SNAPC4: variants seen among roughly 807,000 people sequenced by gnomAD.
SNAPC4 encodes the protein snRNA-activating protein complex subunit 4.
SNAPC4 carries 127 observed loss-of-function variants against 151.3 expected under a neutral mutation model. The ratio of observed to expected loss-of-function variants is 0.84; its 90% CI spans 0.73 to 0.97. The LOEUF (loss-of-function observed/expected upper bound fraction) is 0.97, where lower values mean the gene tolerates loss of function less well. Ranked by LOEUF, SNAPC4 falls within the 50% of genes least tolerant of loss-of-function variation. The pLI, the probability that SNAPC4 is intolerant of heterozygous loss-of-function variation, is 0.00. For synonymous variants in SNAPC4, 1,002 were observed against 824.4 expected, an observed-to-expected ratio of 1.22 and a Z score of -3.69; for missense variants, 2,186 against 1,935.0, an observed-to-expected ratio of 1.13 and a Z score of -2.43.
Position 136,392,126 on chromosome 9 carries a change from C to CA in SNAPC4, c.811-21dup. On this transcript the variant is annotated intron_variant, in intron 9 of 23. Transcript: ENST00000684778. ...TTCAAACTGCACCGACAGAGACACTCAGCCTTGCAGGCCACTGACCCCAGG... is the reference window on the plus strand; with the variant it reads ...TTCAAACTGCACCGACAGAGACACTCAAGCCTTGCAGGCCACTGACCCCAGG... 6.2e-7 allele frequency: 1 copy of CA among 1,610,344 alleles called. No individual in the cohort carries two copies. Among genetic ancestry groups the CA allele is most frequent in the Non-Finnish European group, 8.5e-7 (1 of 1,179,960 alleles).
In SNAPC4 at chr9:136,382,341, T is replaced by A; in HGVS notation, c.1984-5A>T. ...TGTCAGCAGACGCCTCCCACCCTGATGAGAAAGCTGCCTGAGGCGAGGCAC... is the reference window on the plus strand; with the variant it reads ...TGTCAGCAGACGCCTCCCACCCTGAAGAGAAAGCTGCCTGAGGCGAGGCAC... On this transcript the variant is annotated splice_polypyrimidine_tract_variant and splice_region_variant and intron_variant, in intron 16 of 23. Transcript: ENST00000684778. 6.2e-7 allele frequency: 1 copy of A among 1,612,454 alleles called. No homozygotes were observed. The highest frequency in any genetic ancestry group is 8.5e-7 in the Non-Finnish European group (1 of 1,179,460).
chr9:136,381,298 C>T lies in SNAPC4; in HGVS notation c.2388+24G>A, dbSNP rs766458580. ...AAACTTTTTACAAGGCAAAGGAAAA[C>T]GAAGCTCTGCCCAAGTAGCTTACCT... On this transcript the variant is annotated intron_variant, in intron 19 of 23. Transcript: ENST00000684778. 1.3e-5 allele frequency: 21 copies of T among 1,594,902 alleles called. No individual in the cohort carries two copies. In the South Asian group the frequency reaches 1.3e-4, roughly 10 times the overall value.
At chr9:136,381,529 G>C in intron 18 of SNAPC4, 137 bp from the exon 19 acceptor site, 1 of 802,314 alleles carries the variant, frequency 1.2e-6, no homozygotes, top group Admixed American at 2.5e-5. Flanking sequence ...GGGAGGCCTT[G>C]GAACCAGCAC....
chr9:136,396,959 G>GC lies in SNAPC4; in HGVS notation c.177+17_177+18insG. Reference sequence around the variant, plus strand: ...CAGGCCTGACCCAGTGGCACAGCCAGATCAGGCCAACAGTTACCGAGATCG... The same window carrying GC: ...CAGGCCTGACCCAGTGGCACAGCCAGCATCAGGCCAACAGTTACCGAGATCG... On this transcript the variant is annotated intron_variant, in intron 3 of 23. Transcript: ENST00000684778. The GC allele has an allele frequency of 6.2e-7, 1 of 1,611,972 alleles. No individual in the cohort carries two copies. The highest frequency in any genetic ancestry group is 8.5e-7 in the Non-Finnish European group (1 of 1,179,030).
At chr9:136,392,202 G>A (rs1350805013) in intron 9 of SNAPC4, 96 bp from the exon 10 acceptor site, 13 of 1,444,940 alleles carry the variant, frequency 9.0e-6, no homozygotes, top group East Asian at 2.3e-5. Flanking sequence ...GCCAGCTGGA[G>A]GCTTCCACGG....
chr9:136,397,814 T>G (rs937664974), intron 2 of SNAPC4, among the ~76,000 whole-genome samples: 4 of 151,898 alleles, frequency 2.6e-5, no homozygotes, highest in Admixed American at 1.3e-4. Flanking sequence ...CATCCAGGCA[T>G]GGACTGTCCA....
Position 136,378,191 on chromosome 9 carries a change from G to T in SNAPC4, c.3636C>A (p.Val1212=). 1 of 1,612,142 alleles carries T rather than the reference G, an allele frequency of 6.2e-7. No individual in the cohort carries two copies. The highest frequency in any genetic ancestry group is 1.3e-5 in the African/African-American group (1 of 75,064). ...WSGRLPAFGG[V]IPATEPRGTP... ...TCCCCCTTGGCTCAGTTGCTGGGAT[G>T]ACACCACCGAAGGCTGGCAGCCTCC... The change falls in exon 22 of 24, where the codon GTC becomes GTA. Residue 1212 remains valine (V), a synonymous_variant. Transcript: ENST00000684778.
chr9:136,395,546 G>A (rs936472663), intron 4 of SNAPC4, 57 bp downstream of exon 4: 3 of 1,571,140 alleles, frequency 1.9e-6, no homozygotes, highest in Non-Finnish European at 2.6e-6. Flanking sequence ...AGGCCCAGCT[G>A]TGGGGGGCTC....
In SNAPC4 at chr9:136,377,634, G is replaced by C; in HGVS notation, c.4193C>G (p.Ser1398Cys). The change falls in exon 22 of 24, where the codon TCT (serine) becomes TGT (cysteine). Residue 1398 changes from serine (S) to cysteine (C), a missense_variant. Physicochemically the swap from Ser to Cys is moderately radical, Grantham distance 112. Transcript: ENST00000684778. ...CAGGAGGTCTTCATCCTCACTCTCA[G>C]AGCCCACCCTCGAAGGTACTGAGAG... The part of the protein sequence containing the change: ...TTLSVPSRVG[S>C]ESEDEDLLSE... 3.2e-6 allele frequency: 5 copies of C among 1,583,210 alleles called. No individual in the cohort carries two copies. Among genetic ancestry groups the C allele is most frequent in the Non-Finnish European group, 4.3e-6 (5 of 1,163,038 alleles).
intron 10 of SNAPC4, among the ~76,000 whole-genome samples, chr9:136,390,836 A>AT (rs1479241208): frequency 6.6e-5 from 10 of 151,254 alleles, no homozygotes; most frequent in East Asian, 1.9e-4. Flanking sequence ...GTATTTATTT[A>AT]TTTATTTTTT....
rs1833796698 is a variant in SNAPC4, at chr9:136,383,802, A to AG, written c.1501-135dup. ...GGTCAAGAGCAGCCGCTGCCGAGGC[A>AG]GGGTCTCCCTTTGCCCTTGGCCACC... On this transcript the variant is annotated intron_variant, in intron 15 of 23. Transcript: ENST00000684778. The surrounding 1 kb of genome is among the most constrained non-coding windows in gnomAD (Gnocchi z 4.2). 1 of 1,365,738 alleles carries AG rather than the reference A, an allele frequency of 7.3e-7. No homozygotes were observed. Among genetic ancestry groups the AG allele is most frequent in the Non-Finnish European group, 1.0e-6 (1 of 983,384 alleles). 84.6% of individuals were successfully genotyped at this position (1,365,738 alleles called of 1,614,324 possible).
rs747072957 is a variant in SNAPC4 at position 136,378,859 on chromosome 9, C to T, written c.2968G>A (p.Ala990Thr). ...RLSTMQALPL[A>T]PVFSEAEGTA... ...CCCTCGGCCTCTGAGAAGACAGGAG[C>T]GAGGGGCAGGGCTTGCATGGTGGAG... Residue 990 changes from alanine (A) to threonine (T), a missense_variant, in exon 22 of 24, where the codon GCT becomes ACT. Physicochemically the swap from Ala to Thr is moderately conservative, Grantham distance 58 (BLOSUM62 0). Transcript: ENST00000684778. The T allele has an allele frequency of 3.7e-5, 60 of 1,608,920 alleles. No homozygotes were observed. Among genetic ancestry groups the T allele is most frequent in the East Asian group, 3.3e-4 (15 of 44,794 alleles).
chr9:136,394,858 G>A lies in SNAPC4; in HGVS notation c.492C>T (p.Asp164=), dbSNP rs1388370523. The A allele has an allele frequency of 1.2e-6, 2 of 1,613,748 alleles. No homozygotes were observed. Among genetic ancestry groups the A allele is most frequent in the Non-Finnish European group, 1.7e-6 (2 of 1,179,982 alleles). Residue 164 remains aspartate (D), a synonymous_variant, in exon 6 of 24, where the codon GAC becomes GAT. Coordinates refer to ENST00000684778, the MANE Select transcript of SNAPC4 (RefSeq NM_003086.4). ...TCCCCTGGGCAGCCTTCTCTCGTGT[G>A]TCCTCGTTGGCAGGTGGCCCCTGTC... ...VTGVGPPANE[D]TREKAAQGIK...
At chr9:136,387,916 G>A in intron 11 of SNAPC4, 68 bp from the exon 12 acceptor site, 1 of 898,432 alleles carries the variant, frequency 1.1e-6, no homozygotes, top group Non-Finnish European at 1.9e-6. Flanking sequence ...TAGACAGCTA[G>A]GGACAACAGG....
rs774035189 is a variant in SNAPC4 at position 136,387,589 on chromosome 9, G to C, written c.1231-10C>G. The stretch of plus-strand genomic sequence containing the variant: ...CAGCTTGAAGCAACTTCTGCAGGAA[G>C]GGACAGGCAGACAAGTGAAGCCTCT... On this transcript the variant is annotated splice_polypyrimidine_tract_variant and intron_variant, in intron 12 of 23. Transcript: ENST00000684778. The C allele has an allele frequency of 1.9e-5, 30 of 1,603,420 alleles. No homozygotes were observed. The highest frequency in any genetic ancestry group is 2.3e-5 in the Non-Finnish European group (27 of 1,170,500).
chr9:136,383,549 G>A lies in SNAPC4; in HGVS notation c.1620C>T (p.Ser540=), dbSNP rs1833782457. The A allele has an allele frequency of 1.9e-6, 3 of 1,595,680 alleles. No individual in the cohort carries two copies. In the East Asian group the frequency reaches 6.8e-5, roughly 36 times the overall value. ...GCTCTGGCTCGTCCTCCTCGCTGCT[G>A]CTGCTGCTGCTGCTGCTGCTCCCTC... ...SSGGSSSSSS[S]SSEEDEPEQA... is the part of the protein sequence containing the mutation. Residue 540 remains serine (S), a synonymous_variant, in exon 16 of 24, where the codon AGC becomes AGT. Coordinates refer to ENST00000684778, the MANE Select transcript of SNAPC4 (RefSeq NM_003086.4). The surrounding 1 kb of genome is among the most constrained non-coding windows in gnomAD (Gnocchi z 4.2).
chr9:136,378,725 C>A lies in SNAPC4; in HGVS notation c.3102G>T (p.Lys1034Asn). The A allele has an allele frequency of 6.6e-7, 1 of 1,506,952 alleles. No homozygotes were observed. The allele number at this position is 1,506,952 out of a possible 1,614,324, so 93.3% of individuals were successfully genotyped here. A position where few individuals can be genotyped will look rare whatever the true frequency, so the allele number is the denominator to read the frequency against. Reference sequence around the variant, plus strand: ...AGGGTGGCGCCTCAGGCAGGCCCTGCTTCCGGGATGCAGCGGGGGCCTGAG... The same window carrying A: ...AGGGTGGCGCCTCAGGCAGGCCCTGATTCCGGGATGCAGCGGGGGCCTGAG... The part of the protein sequence containing the change: ...GQSQAPAASR[K>N]QGLPEAPPFL... The change falls in exon 22 of 24, where the codon AAG (lysine) becomes AAT (asparagine). Residue 1034 changes from lysine to asparagine, a missense_variant. Transcript: ENST00000684778.
chr9:136,395,530 C>A, intron 4 of SNAPC4, 73 bp downstream of exon 4: 1 of 1,565,740 alleles, frequency 6.4e-7, no homozygotes, highest in Non-Finnish European at 8.7e-7. Context: ...GAGCCCTGGA[C>A]CTGGGAGGCC....
At chr9:136,379,752 G>T in intron 21 of SNAPC4, 85 bp downstream of exon 21, 1 of 1,275,208 alleles carries the variant, frequency 7.8e-7, no homozygotes, top group Non-Finnish European at 1.1e-6. Context: ...GGGGGCTGTG[G>T]GTGAAAGCCA....
Sources: gnomAD v4.1 joint callset for allele counts (sites outside exome capture counted in the v4.1 genomes callset) on GRCh38, gnomAD v4.1.1 for gene constraint, Gnocchi (gnomAD v3.1) non-coding constraint, MANE v1.5 for transcripts, NCBI Gene and HGNC (gene_info 2026-07-23, HGNC 2026-07-21) for gene names.